PIP4P2: variants seen among roughly 807,000 people sequenced by gnomAD.
PIP4P2 encodes the protein type 2 phosphatidylinositol 4,5-bisphosphate 4-phosphatase.
In PIP4P2, 19 loss-of-function variants were observed where a neutral mutation model predicts 33.3. The observed-to-expected ratio is 0.57, with a 90% CI of 0.40 to 0.84. The LOEUF (loss-of-function observed/expected upper bound fraction) is 0.84, where lower values mean the gene tolerates loss of function less well. Among genes scored for constraint, PIP4P2 ranks in the 40% least tolerant of loss-of-function variants. PIP4P2 has a pLI of 0.00. For synonymous variants in PIP4P2, 110 were observed against 111.9 expected (o/e 0.98, Z 0.11); for missense variants, 270 against 324.7 (o/e 0.83, Z 1.29).
rs576981421 is a variant in PIP4P2 at position 90,994,688 on chromosome 8, A to G, written c.*989T>C. On this transcript the variant is annotated 3_prime_UTR_variant, in exon 7 of 7. Transcript: ENST00000285419. ...TCAGTTACCTTTGAGAAGAATAGTA[A>G]AAGTACCTCTAATCTCAACATTTTA... The G allele has an allele frequency of 6.6e-6, 1 of 152,506 alleles. No individual in the cohort carries two copies. Among genetic ancestry groups the G allele is most frequent in the South Asian group, 2.1e-4 (1 of 4,830 alleles). The allele number at this position is 152,506 out of a possible 1,614,324, so 9.4% of individuals were successfully genotyped here. A position where few individuals can be genotyped will look rare whatever the true frequency, so the allele number is the denominator to read the frequency against.
At position 91,021,522 on chromosome 8, in the gene PIP4P2, A is replaced by G. The variant is rs568557254; in HGVS notation, c.107-118T>C. Reference sequence around the variant, plus strand: ...AAGATTTTCCCACGTTCTTTTATTTATTTTTCAAAGCTAGCCAATTTATCT... The same window carrying G: ...AAGATTTTCCCACGTTCTTTTATTTGTTTTTCAAAGCTAGCCAATTTATCT... On this transcript the variant is annotated intron_variant, in intron 1 of 6. Transcript: ENST00000285419. 8.7e-5 allele frequency: 109 copies of G among 1,253,784 alleles called. No homozygotes were observed. The South Asian group carries it at 1.7e-3, about 20-fold the overall frequency. 77.7% of individuals were successfully genotyped at this position (1,253,784 alleles called of 1,614,324 possible). A position where few individuals can be genotyped will look rare whatever the true frequency, so the allele number is the denominator to read the frequency against.
In PIP4P2 at chr8:91,020,110, T is replaced by C. The variant is rs371779131; in HGVS notation, c.362+47A>G. 1.6e-5 allele frequency: 26 copies of C among 1,587,728 alleles called. No homozygotes were observed. In the African/African-American group the frequency reaches 2.6e-4, roughly 16 times the overall value. ...CTGAAGAACCTTTAGTAAATACTTGTTGAATGAACAAATGAATGAATCAAT... is the reference window on the plus strand; with the variant it reads ...CTGAAGAACCTTTAGTAAATACTTGCTGAATGAACAAATGAATGAATCAAT... On this transcript the variant is annotated intron_variant, in intron 3 of 6. Coordinates refer to ENST00000285419, the MANE Select transcript of PIP4P2 (RefSeq NM_018710.3).
chr8:91,034,675 T>C (rs1812213717), intron 1 of PIP4P2, among the ~76,000 whole-genome samples: 4 of 152,176 alleles, frequency 2.6e-5, no homozygotes, highest in Admixed American at 2.6e-4. Context: ...TTTCTCCTCA[T>C]TGTGACAATC....
intron 1 of PIP4P2, among the ~76,000 whole-genome samples, chr8:91,027,171 T>C (rs1432790896): frequency 6.6e-6 from 1 of 152,242 alleles, no homozygotes; most frequent in East Asian, 1.9e-4. Context: ...ACAGCCTTAC[T>C]AGGTAAATCC....
intron 4 of PIP4P2, among the ~76,000 whole-genome samples, chr8:91,009,070 C>T (rs531378540): frequency 6.6e-6 from 1 of 152,218 alleles, no homozygotes; most frequent in Admixed American, 6.5e-5. Flanking sequence ...TAATTGGGGT[C>T]ATCTTGTTCA....
At chr8:90,996,902 T>C (rs773708160) in intron 5 of PIP4P2, among the ~76,000 whole-genome samples, 158 bp from the exon 6 acceptor site, 1 of 152,152 alleles carries the variant, frequency 6.6e-6, no homozygotes, top group African/African-American at 2.4e-5. Context: ...CATGTCATTT[T>C]TAATGGGTGA....
chr8:91,021,403 C>T lies in PIP4P2; in HGVS notation c.108G>A (p.Ala36=), dbSNP rs1442066456. 2.5e-6 allele frequency: 4 copies of T among 1,613,088 alleles called. No homozygotes were observed. The highest frequency in any genetic ancestry group is 1.1e-5 in the South Asian group (1 of 91,020). ...PPYLQESSPR[A]ELPPPYTAIA... The stretch of plus-strand genomic sequence containing the variant: ...TGGCTGTATATGGAGGTGGGAGCTC[C>T]GCTGAAAAGATATTAGTCACTGAAT... Residue 36 remains alanine, a splice_region_variant and synonymous_variant, in exon 2 of 7, where the codon GCG becomes GCA. Transcript: ENST00000285419.
intron 3 of PIP4P2, among the ~76,000 whole-genome samples, chr8:91,019,578 A>G (rs923657297): frequency 4.4e-4 from 66 of 151,432 alleles, no homozygotes; most frequent in Non-Finnish European, 6.6e-4. Context: ...AAAAAAAAAA[A>G]AGAGAGAGAC....
At chr8:91,010,740 G>C (rs1811824780) in intron 4 of PIP4P2, among the ~76,000 whole-genome samples, 2 of 151,480 alleles carry the variant, frequency 1.3e-5, no homozygotes, top group African/African-American at 4.8e-5. Flanking sequence ...CTGGCCTCTG[G>C]ATTCTTAAAA....
chr8:90,997,916 G>T (rs1326828106), intron 5 of PIP4P2, among the ~76,000 whole-genome samples: 3 of 152,120 alleles, frequency 2.0e-5, no homozygotes, highest in Admixed American at 6.6e-5. Context: ...AACTGATGAA[G>T]TTTTTTGCAA....
intron 1 of PIP4P2, among the ~76,000 whole-genome samples, chr8:91,033,196 C>A (rs1167173137): frequency 6.6e-6 from 1 of 152,174 alleles, no homozygotes; most frequent in Non-Finnish European, 1.5e-5. Flanking sequence ...CAGATTTGTA[C>A]AACAAACTGC....
intron 3 of PIP4P2, among the ~76,000 whole-genome samples, chr8:91,019,147 T>C (rs1811962802): frequency 1.3e-5 from 2 of 152,070 alleles, no homozygotes; most frequent in Non-Finnish European, 2.9e-5. Context: ...CATGAGCGAA[T>C]AATTCCAGAA....
chr8:91,006,678 T>A (rs1457477173), intron 5 of PIP4P2, among the ~76,000 whole-genome samples: 1 of 152,088 alleles, frequency 6.6e-6, no homozygotes, highest in East Asian at 1.9e-4. Flanking sequence ...ACCACAGAGG[T>A]CTCTGTCAGG....
At chr8:91,014,221 G>T (rs1422935284) in intron 4 of PIP4P2, among the ~76,000 whole-genome samples, 1 of 152,070 alleles carries the variant, frequency 6.6e-6, no homozygotes, top group Non-Finnish European at 1.5e-5. Flanking sequence ...GCTTCACACT[G>T]AAAGACCCAG....
chr8:91,008,846 C>G, intron 4 of PIP4P2, 51 bp from the exon 5 acceptor site: 1 of 1,460,624 alleles, frequency 6.8e-7, no homozygotes, highest in African/African-American at 1.4e-5. Flanking sequence ...TGAAAACTAT[C>G]CAATCTGATA....
chr8:91,016,809 A>G (rs1321438414), intron 4 of PIP4P2: 1 of 152,186 alleles, frequency 6.6e-6, no homozygotes, highest in Non-Finnish European at 1.5e-5. Flanking sequence ...TAAATAAGAG[A>G]TTCCTTGATG....
intron 1 of PIP4P2, among the ~76,000 whole-genome samples, chr8:91,024,543 C>A (rs1166104811): frequency 6.6e-6 from 1 of 152,130 alleles, no homozygotes; most frequent in Admixed American, 6.6e-5. Context: ...CTCACCTCAG[C>A]TTCCTCGGTA....
At chr8:91,039,517 A>T (rs1812277655) in intron 1 of PIP4P2, among the ~76,000 whole-genome samples, 1 of 152,342 alleles carries the variant, frequency 6.6e-6, no homozygotes, top group Admixed American at 6.5e-5. Flanking sequence ...GCTCTACATC[A>T]GCTCTAATTC....
intron 1 of PIP4P2, among the ~76,000 whole-genome samples, chr8:91,032,966 T>C (rs1812190468): frequency 6.6e-6 from 1 of 152,154 alleles, no homozygotes; most frequent in African/African-American, 2.4e-5. Flanking sequence ...CCAATATCTA[T>C]ATCCATCTAG....
Sources: allele counts gnomAD v4.1 joint callset (sites outside exome capture counted in the v4.1 genomes callset), GRCh38; gene constraint gnomAD v4.1.1; transcripts MANE v1.5; gene names NCBI Gene and HGNC (gene_info 2026-07-23, HGNC 2026-07-21).